Variants in KALRN observed in about 807,000 individuals in gnomAD.
The protein encoded by KALRN is kalirin.
A neutral mutation model predicts 353.7 loss-of-function variants in KALRN; 70 were observed. That is an observed-to-expected ratio of 0.20 (90% confidence interval 0.16 to 0.24). The LOEUF is 0.24. KALRN is among the 10% of genes least tolerant of loss of function. KALRN has a pLI of 1.00. For missense variants in KALRN, 2,791 were observed against 3,756.7 expected (o/e 0.74, Z 6.72); for synonymous variants, 1,391 against 1,434.8 (o/e 0.97, Z 0.69).
chr3:124,488,631 T>A (rs1163986302), intron 29 of KALRN: 4 of 253,394 alleles, frequency 1.6e-5, no homozygotes, highest in Non-Finnish European at 3.0e-5. Flanking sequence ...AGCAGTCTTG[T>A]TAGTCTGCAT....
At chr3:124,495,978 T>TGTATATATATATATATATAC (rs1561136282) in intron 32 of KALRN, among the ~76,000 whole-genome samples, 1 of 26,520 alleles carries the variant, frequency 3.8e-5, no homozygotes, top group Non-Finnish European at 6.9e-5. Context: ...TATATATATA[T>TGTATATATATATATATATAC]ATATATATAT....
intron 3 of KALRN, among the ~76,000 whole-genome samples, chr3:124,236,645 G>A (rs2079810172): frequency 6.6e-6 from 1 of 152,316 alleles, no homozygotes; most frequent in Non-Finnish European, 1.5e-5. Context: ...AAGAGGGAAA[G>A]AGTTGGAAGA....
intron 3 of KALRN, among the ~76,000 whole-genome samples, chr3:124,254,739 C>G (rs11712039): frequency 6.6e-6 from 1 of 151,996 alleles, no homozygotes; most frequent in East Asian, 1.9e-4. Context: ...TAGTTTGGCT[C>G]TCATTGTATA....
intron 34 of KALRN, among the ~76,000 whole-genome samples, chr3:124,588,455 C>T (rs552748563): frequency 8.2e-4 from 125 of 152,262 alleles, no homozygotes; most frequent in African/African-American, 2.6e-3. Context: ...GATGGAGTCT[C>T]GCTCTGTCGC....
At chr3:124,389,432 C>A (rs917870811) in intron 11 of KALRN, among the ~76,000 whole-genome samples, 4 of 152,134 alleles carry the variant, frequency 2.6e-5, no homozygotes, top group African/African-American at 9.7e-5. Flanking sequence ...AAAAGATAAC[C>A]TCCAGGCTCA....
chr3:124,560,618 T>C (rs2071866012), intron 33 of KALRN, among the ~76,000 whole-genome samples: 1 of 152,210 alleles, frequency 6.6e-6, no homozygotes, highest in Non-Finnish European at 1.5e-5. Context: ...TCCCAGCACT[T>C]TGGGAGACTG....
intron 34 of KALRN, chr3:124,584,869 G>A (rs749734690): frequency 1.9e-6 from 3 of 1,606,790 alleles, no homozygotes; most frequent in Non-Finnish European, 2.5e-6. Context: ...CTTTGGGGTG[G>A]CTCTTTGCTA....
intron 6 of KALRN, among the ~76,000 whole-genome samples, chr3:124,324,378 C>G (rs957177524): frequency 6.6e-6 from 1 of 152,204 alleles, no homozygotes; most frequent in African/African-American, 2.4e-5. Flanking sequence ...TTCTTCCTCT[C>G]TATTTCTAAG....
chr3:124,250,064 G>C (rs1187547312), intron 3 of KALRN, among the ~76,000 whole-genome samples: 4 of 152,178 alleles, frequency 2.6e-5, no homozygotes, highest in African/African-American at 7.2e-5. Context: ...ATGGCCTGGG[G>C]GGGGTGGCTT....
At chr3:124,111,939 ATG>A (rs1030443100) in intron 1 of KALRN, among the ~76,000 whole-genome samples, 1 of 152,182 alleles carries the variant, frequency 6.6e-6, no homozygotes, top group African/African-American at 2.4e-5. Flanking sequence ...ATTCCACTGA[ATG>A]AGCTGGGTCC....
chr3:124,693,979 A>T (rs2061941917), intron 52 of KALRN, 148 bp downstream of exon 52: 1 of 639,708 alleles, frequency 1.6e-6, no homozygotes, highest in Non-Finnish European at 2.6e-6. Context: ...TTATTAGATG[A>T]AAAAGACTAA....
At chr3:124,091,474 A>G (rs767301231) in intron 1 of KALRN, among the ~76,000 whole-genome samples, 3 of 152,208 alleles carry the variant, frequency 2.0e-5, no homozygotes, top group Non-Finnish European at 2.9e-5. Flanking sequence ...CTTCTGCTCT[A>G]TACACTTGTG....
At chr3:124,594,969 T>A (rs116435630) in intron 34 of KALRN, among the ~76,000 whole-genome samples, 7,599 of 151,774 alleles carry the variant, frequency 0.05, 219 homozygotes, top group Middle Eastern at 0.16. Flanking sequence ...TAAATTTTTT[T>A]AAAAATTTTA....
intron 28 of KALRN, among the ~76,000 whole-genome samples, chr3:124,484,488 G>A (rs1460042513): frequency 6.6e-6 from 1 of 152,204 alleles, no homozygotes; most frequent in Admixed American, 6.5e-5. Flanking sequence ...CCTTTCCTGA[G>A]GACTAGTGTG....
chr3:124,640,286 CTTTTTTTTT>C (rs71777187), intron 37 of KALRN, among the ~76,000 whole-genome samples: 1 of 127,468 alleles, frequency 7.8e-6, no homozygotes, highest in African/African-American at 2.9e-5. Context: ...TTCTTTCTTT[CTTTTTTTTT>C]TTTTTTTTTG....
At chr3:124,103,273 G>T (rs2062021205) in intron 1 of KALRN, among the ~76,000 whole-genome samples, 2 of 152,200 alleles carry the variant, frequency 1.3e-5, no homozygotes, top group Admixed American at 1.3e-4. Flanking sequence ...AGGTCCCGGT[G>T]TGGTGTTTCC....
intron 33 of KALRN, among the ~76,000 whole-genome samples, chr3:124,530,937 A>G (rs570994582): frequency 5.9e-5 from 9 of 152,296 alleles, no homozygotes; most frequent in African/African-American, 1.7e-4. Context: ...AACTCTAAAA[A>G]TGTTGGTGGA....
At chr3:124,420,719 C>G (rs1378923255) in intron 14 of KALRN, among the ~76,000 whole-genome samples, 1 of 152,058 alleles carries the variant, frequency 6.6e-6, no homozygotes, top group Non-Finnish European at 1.5e-5. Flanking sequence ...CCATGTAACA[C>G]CAGAAAAAAA....
chr3:124,542,283 T>G (rs2069116738), intron 33 of KALRN, among the ~76,000 whole-genome samples: 1 of 152,146 alleles, frequency 6.6e-6, no homozygotes, highest in South Asian at 2.1e-4. Context: ...TGTGGTTCAG[T>G]TTTCAGCTCT....
Sources: allele counts gnomAD v4.1 joint callset (sites outside exome capture counted in the v4.1 genomes callset), GRCh38; gene constraint gnomAD v4.1.1; transcripts MANE v1.5; gene names NCBI Gene and HGNC (gene_info 2026-07-23, HGNC 2026-07-21).